The following NFYA variants were observed in gnomAD, a reference collection of about 807,000 sequenced individuals.
NFYA encodes the protein CAAT-box DNA binding protein subunit A.
A neutral mutation model predicts 52.8 loss-of-function variants in NFYA; 28 were observed. The ratio of observed to expected loss-of-function variants is 0.53; its 90% confidence interval spans 0.39 to 0.73. The LOEUF (loss-of-function observed/expected upper bound fraction) is 0.73, where lower values mean the gene tolerates loss of function less well. NFYA is among the 30% of genes least tolerant of loss of function. The pLI is 0.00. For missense variants in NFYA, 234 were observed against 427.0 expected (o/e 0.55, Z 3.98); for synonymous variants, 150 against 150.7 (o/e 1.00, Z 0.03).
chr6:41,093,535 A>C (rs1582036617), intron 8 of NFYA, among the ~76,000 whole-genome samples: 1 of 151,804 alleles, frequency 6.6e-6, no homozygotes, highest in African/African-American at 2.4e-5. Flanking sequence ...CAGTGGCACA[A>C]TCTCAGCTCA....
rs1396146913 is a variant in NFYA, at chr6:41,100,533, T to TA, written c.*3124dup. ...AGGAAGCACTCAATGATGAGAGCAG[T>TA]AGACCTGCCCTGGCAGATGAGAGAG... On this transcript the variant is annotated 3_prime_UTR_variant, in exon 10 of 10. Transcript: ENST00000341376. 6.6e-6 allele frequency among the ~76,000 whole-genome samples: 1 copy of TA among 152,136 alleles called. No homozygotes were observed. Among genetic ancestry groups the TA allele is most frequent in the African/African-American group, 2.4e-5 (1 of 41,432 alleles).
intron 3 of NFYA, among the ~76,000 whole-genome samples, 158 bp downstream of exon 3, chr6:41,081,055 C>T (rs1207754324): frequency 6.6e-6 from 1 of 152,182 alleles, no homozygotes; most frequent in Admixed American, 6.5e-5. Context: ...TGCCAGTTTC[C>T]TAATATTTCA....
In NFYA at chr6:41,073,070, G is replaced by T. The variant is rs1460835008; in HGVS notation, c.-76G>T. 6.5e-6 allele frequency: 1 copy of T among 154,040 alleles called. No individual in the cohort carries two copies. Among genetic ancestry groups the T allele is most frequent in the South Asian group, 1.8e-4 (1 of 5,618 alleles). The allele number at this position is 154,040 out of a possible 1,614,324, so 9.5% of individuals were successfully genotyped here. A position where few individuals can be genotyped will look rare whatever the true frequency, so the allele number is the denominator to read the frequency against. On this transcript the variant is annotated 5_prime_UTR_variant, in exon 1 of 10. Transcript: ENST00000341376. ...GCCAATCAGCGCGGGCAGCGAACCG[G>T]GGGAGCGAGGCACGGTGAGTGTGAG... is the stretch of plus-strand genomic sequence containing the variant.
chr6:41,096,144 A>G (rs1764350271), intron 9 of NFYA, among the ~76,000 whole-genome samples: 1 of 152,130 alleles, frequency 6.6e-6, no homozygotes, highest in Admixed American at 6.5e-5. Flanking sequence ...AATAGTTCTC[A>G]TTTCTTAACT....
At chr6:41,079,784 A>T (rs1004066578) in intron 2 of NFYA, among the ~76,000 whole-genome samples, 2 of 152,212 alleles carry the variant, frequency 1.3e-5, no homozygotes, top group Admixed American at 1.3e-4. Context: ...AGAAGAAAAA[A>T]ATGTATTATG....
intron 1 of NFYA, among the ~76,000 whole-genome samples, chr6:41,073,673 G>T (rs1194269289): frequency 6.6e-6 from 1 of 152,022 alleles, no homozygotes; most frequent in African/African-American, 2.4e-5. Flanking sequence ...CCCGTGTGCG[G>T]CTGGCAACGG....
chr6:41,085,849 C>G (rs940263738), intron 4 of NFYA, among the ~76,000 whole-genome samples: 2 of 151,260 alleles, frequency 1.3e-5, no homozygotes, highest in Non-Finnish European at 2.9e-5. Flanking sequence ...TTTCATTTGC[C>G]TTTGTAGGTA....
At position 41,090,201 on chromosome 6, in the gene NFYA, C is replaced by T. The variant is rs774791721; in HGVS notation, c.442-3C>T. The T allele has an allele frequency of 4.4e-6, 7 of 1,596,854 alleles. No individual in the cohort carries two copies. In the Admixed American group the frequency reaches 1.2e-4, roughly 27 times the overall value. ...GAATTGTGTCATTACTTATTTCCTC[C>T]AGACACAGCAGCAGATTGCTGTCCA... On this transcript the variant is annotated splice_polypyrimidine_tract_variant and splice_region_variant and intron_variant, in intron 5 of 9. Transcript: ENST00000341376.
Position 41,079,279 on chromosome 6 carries a change from T to C in NFYA, c.75+115T>C. 5.1e-6 allele frequency: 5 copies of C among 975,876 alleles called. No individual in the cohort carries two copies. In the South Asian group the frequency reaches 7.5e-5, roughly 15 times the overall value. The allele number at this position is 975,876 out of a possible 1,614,324, so 60.5% of individuals were successfully genotyped here. On this transcript the variant is annotated intron_variant, in intron 2 of 9. Transcript: ENST00000341376. ...TTGAAAGATACCAGATCTTGTGAGA[T>C]ATTGGGTCTGATGGCTTGTGCTGAA...
At chr6:41,074,101 T>C (rs1763655484) in intron 1 of NFYA, among the ~76,000 whole-genome samples, 1 of 152,226 alleles carries the variant, frequency 6.6e-6, no homozygotes. Context: ...TAGTACAGTT[T>C]TGGGGGTTTT....
chr6:41,091,719 T>C, intron 7 of NFYA, 25 bp downstream of exon 7: 3 of 1,602,720 alleles, frequency 1.9e-6, no homozygotes, highest in Non-Finnish European at 2.6e-6. Flanking sequence ...TTTTCAGCTT[T>C]GTCTTTGAAA....
At chr6:41,094,000 G>T (rs1764275544) in intron 8 of NFYA, among the ~76,000 whole-genome samples, 1 of 152,158 alleles carries the variant, frequency 6.6e-6, no homozygotes, top group Non-Finnish European at 1.5e-5. Context: ...AACAGCAAGG[G>T]TGTCAGAGTG....
intron 1 of NFYA, among the ~76,000 whole-genome samples, chr6:41,077,072 C>T (rs1027535198): frequency 1.3e-5 from 2 of 152,084 alleles, no homozygotes; most frequent in African/African-American, 2.4e-5. Context: ...ATATATTAGT[C>T]ATTATGTGCT....
chr6:41,085,869 G>T (rs995915113), intron 4 of NFYA, among the ~76,000 whole-genome samples: 1 of 151,832 alleles, frequency 6.6e-6, no homozygotes, highest in Non-Finnish European at 1.5e-5. Flanking sequence ...AAACATTTGG[G>T]CACGATAGTT....
Position 41,084,026 on chromosome 6 carries a change from C to T in NFYA, c.163-20C>T, listed in dbSNP as rs746317318. On this transcript the variant is annotated intron_variant, in intron 3 of 9. Transcript: ENST00000341376. ...TTGTGTCTTATGTTATTTCATTGTT[C>T]TTATTTTATTTCATTCTAGGTCCAA... 3 of 1,578,142 alleles carry T rather than the reference C, an allele frequency of 1.9e-6. No homozygotes were observed. The highest frequency in any genetic ancestry group is 1.8e-5 in the Admixed American group (1 of 54,326).
At chr6:41,090,359 TC>T (rs778612558) in intron 6 of NFYA, 50 bp downstream of exon 6, 2 of 1,170,050 alleles carry the variant, frequency 1.7e-6, no homozygotes, top group Admixed American at 1.8e-5. Context: ...AACTTTTTTG[TC>T]CCTTAGACAA....
chr6:41,091,919 A>G (rs1194455936), intron 7 of NFYA, among the ~76,000 whole-genome samples: 1 of 152,240 alleles, frequency 6.6e-6, no homozygotes, highest in Non-Finnish European at 1.5e-5. Context: ...CTGGAGATAA[A>G]GCAATGGATA....
intron 5 of NFYA, 72 bp from the exon 6 acceptor site, chr6:41,090,132 T>C (rs1764161254): frequency 9.5e-7 from 1 of 1,050,668 alleles, no homozygotes; most frequent in African/African-American, 1.6e-5. Flanking sequence ...AATTTTTTTT[T>C]TTAAGGACTA....
chr6:41,084,011 T>C (rs772333591), intron 3 of NFYA, 35 bp from the exon 4 acceptor site: 42 of 1,559,758 alleles, frequency 2.7e-5, no homozygotes, highest in Admixed American at 2.3e-4. Flanking sequence ...TTGTGTCTTA[T>C]GTTATTTCAT....
Sources: allele counts gnomAD v4.1 joint callset (sites outside exome capture counted in the v4.1 genomes callset), GRCh38; gene constraint gnomAD v4.1.1; transcripts MANE v1.5; gene names NCBI Gene and HGNC (gene_info 2026-07-23, HGNC 2026-07-21).